OGDH: variants seen among roughly 807,000 people sequenced by gnomAD.
The protein encoded by OGDH is 2-oxoglutarate dehydrogenase complex component E1.
Under a neutral mutation model 116.6 loss-of-function variants are expected in OGDH, and 38 were observed. The ratio of observed to expected loss-of-function variants is 0.33; its 90% confidence interval spans 0.25 to 0.43. OGDH has a LOEUF of 0.43. Ranked by LOEUF, OGDH falls within the 20% of genes least tolerant of loss-of-function variation. The pLI, the probability that OGDH is intolerant of heterozygous loss-of-function variation, is 1.00. For missense variants in OGDH, 825 were observed against 1,357.2 expected, an observed-to-expected ratio of 0.61 and a Z score of 6.16; for synonymous variants, 488 against 533.3, an observed-to-expected ratio of 0.92 and a Z score of 1.17.
In OGDH at chr7:44,674,408, C is replaced by T. The variant is rs896516675; in HGVS notation, c.789-3C>T. ...CTTCAAGGTGGCTTGGTTCCCTGTCCAGGTTTGAGGAGTTCCTACAGCGGA... is the reference window on the plus strand; with the variant it reads ...CTTCAAGGTGGCTTGGTTCCCTGTCTAGGTTTGAGGAGTTCCTACAGCGGA... On this transcript the variant is annotated splice_polypyrimidine_tract_variant and splice_region_variant and intron_variant, in intron 6 of 22. Coordinates refer to ENST00000222673, the MANE Select transcript of OGDH (RefSeq NM_002541.4). The T allele has an allele frequency of 1.2e-6, 2 of 1,613,956 alleles. No homozygotes were observed. The highest frequency in any genetic ancestry group is 1.7e-6 in the Non-Finnish European group (2 of 1,179,970).
At chr7:44,637,522 T>A (rs750911528) in intron 2 of OGDH, among the ~76,000 whole-genome samples, 6 of 152,182 alleles carry the variant, frequency 3.9e-5, no homozygotes, top group Non-Finnish European at 5.9e-5. Flanking sequence ...AATAATGGTA[T>A]TCATTGGCTC....
At chr7:44,704,271 G>A (rs1294926525) in intron 20 of OGDH, among the ~76,000 whole-genome samples, 2 of 152,098 alleles carry the variant, frequency 1.3e-5, no homozygotes, top group Non-Finnish European at 1.5e-5. Context: ...ATATTTCATT[G>A]TGGCTTTGAT....
At chr7:44,703,340 A>T (rs1242621385) in intron 20 of OGDH, among the ~76,000 whole-genome samples, 1 of 152,086 alleles carries the variant, frequency 6.6e-6, no homozygotes, top group Non-Finnish European at 1.5e-5. Flanking sequence ...CCCGGGAGGC[A>T]GAGGTTGCAG....
At chr7:44,681,264 C>G (rs142603429) in intron 9 of OGDH, among the ~76,000 whole-genome samples, 2,020 of 152,308 alleles carry the variant, frequency 0.013, 18 homozygotes, top group Middle Eastern at 0.027. Context: ...TGACCTGATG[C>G]AGTATGTCCT....
In OGDH at chr7:44,694,549, G is replaced by A. The variant is rs1456380526; in HGVS notation, c.1641G>A (p.Gln547=). The A allele has an allele frequency of 6.2e-7, 1 of 1,613,998 alleles. No homozygotes were observed. Among genetic ancestry groups the A allele is most frequent in the African/African-American group, 1.3e-5 (1 of 74,910 alleles). Residue 547 remains glutamine (Q), a synonymous_variant, in exon 12 of 23, where the codon CAG becomes CAA. Coordinates refer to ENST00000222673, the MANE Select transcript of OGDH (RefSeq NM_002541.4). The surrounding 1 kb of genome is among the most constrained non-coding windows in gnomAD (Gnocchi z 4.2). ...AGTACGCTGAGCTGCTGGTGTCGCA[G>A]GGTGTGGTCAACCAGCCTGAGTATG... The part of the protein sequence containing the change: ...LQKYAELLVS[Q]GVVNQPEYEE...
At position 44,681,949 on chromosome 7, in the gene OGDH, T is replaced by C. The variant is rs1002673079; in HGVS notation, c.1335+101T>C. 16 of 1,465,428 alleles carry C rather than the reference T, an allele frequency of 1.1e-5. No homozygotes were observed. The African/African-American group carries it at 2.0e-4, about 18-fold the overall frequency. 90.8% of individuals were successfully genotyped at this position (1,465,428 alleles called of 1,614,324 possible). On this transcript the variant is annotated intron_variant, in intron 10 of 22. Transcript: ENST00000222673. ...GTTCACTGTTTTCTGATTATAAAAA[T>C]ACATCTGTTATTAAAAACCAGGTGC...
intron 20 of OGDH, among the ~76,000 whole-genome samples, chr7:44,702,552 G>GT (rs1272848600): frequency 1.3e-5 from 2 of 151,690 alleles, no homozygotes; most frequent in Non-Finnish European, 2.9e-5. Flanking sequence ...TTTTTTGGGG[G>GT]TTTTTTCCCA....
chr7:44,685,445 G>A (rs1433215288), intron 10 of OGDH, among the ~76,000 whole-genome samples: 1 of 152,166 alleles, frequency 6.6e-6, no homozygotes, highest in Non-Finnish European at 1.5e-5. Flanking sequence ...ATGTGTTAGA[G>A]TTTCCTACCT....
At chr7:44,650,084 G>A (rs991029126) in intron 4 of OGDH, among the ~76,000 whole-genome samples, 1 of 152,066 alleles carries the variant, frequency 6.6e-6, no homozygotes, top group Admixed American at 6.6e-5. Context: ...TAGTCTCCAC[G>A]TTTCAAGAGG....
intron 2 of OGDH, among the ~76,000 whole-genome samples, chr7:44,629,022 A>C (rs1237182274): frequency 6.6e-6 from 1 of 152,132 alleles, no homozygotes; most frequent in Admixed American, 6.5e-5. Context: ...AAGAGCCTTC[A>C]GCGGTGGCCT....
At chr7:44,622,269 G>A (rs1465568732) in intron 1 of OGDH, among the ~76,000 whole-genome samples, 1 of 152,172 alleles carries the variant, frequency 6.6e-6, no homozygotes, top group Non-Finnish European at 1.5e-5. Context: ...TGTTAGGGCT[G>A]TTTGTCTTCC....
rs1014185106 is a variant in OGDH at position 44,697,140 on chromosome 7, C to T, written c.2051+76C>T. 29 of 1,555,496 alleles carry T rather than the reference C, an allele frequency of 1.9e-5. No homozygotes were observed. Among genetic ancestry groups the T allele is most frequent in the African/African-American group, 1.5e-4 (11 of 73,190 alleles). ...GGGAGGGGTTCTGGTGTTTCTTTTC[C>T]GGAAGACGGTTAGAAACCGGAAGAG... On this transcript the variant is annotated intron_variant, in intron 15 of 22. Transcript: ENST00000222673. The surrounding 1 kb of genome is among the most constrained non-coding windows in gnomAD (Gnocchi z 6.0).
chr7:44,705,701 AC>A (rs1283817809), intron 20 of OGDH, among the ~76,000 whole-genome samples: 1 of 152,042 alleles, frequency 6.6e-6, no homozygotes, highest in Non-Finnish European at 1.5e-5. Flanking sequence ...CTGTGCCCAG[AC>A]TTTTATTCTG....
At chr7:44,664,724 T>C (rs561101949) in intron 4 of OGDH, among the ~76,000 whole-genome samples, 2 of 152,226 alleles carry the variant, frequency 1.3e-5, no homozygotes, top group African/African-American at 4.8e-5. Flanking sequence ...GTTGTACTTA[T>C]TGGGGGAATA....
chr7:44,665,219 G>C (rs1462790575), intron 4 of OGDH, among the ~76,000 whole-genome samples: 1 of 145,870 alleles, frequency 6.9e-6, no homozygotes, highest in Admixed American at 7.0e-5. Context: ...AGTGTTGACA[G>C]ACTAACAGGA....
At chr7:44,640,777 G>A (rs1241492494) in intron 2 of OGDH, among the ~76,000 whole-genome samples, 2 of 152,120 alleles carry the variant, frequency 1.3e-5, no homozygotes, top group Non-Finnish European at 2.9e-5. Context: ...GTGGCCCCAG[G>A]GAACTAAGTA....
In OGDH at chr7:44,694,252, G is replaced by T. The variant is rs799436; in HGVS notation, c.1516-172G>T. Among the ~76,000 whole-genome samples the T allele has an allele frequency of 1.3e-5, 2 of 152,136 alleles. No homozygotes were observed. The highest frequency in any genetic ancestry group is 2.4e-5 in the African/African-American group (1 of 41,436). ...TCCTCATTGACAGAGCAGCTCTACT[G>T]TGTGAAGGAGAGATACACAGAATCC... On this transcript the variant is annotated intron_variant, in intron 11 of 22. Transcript: ENST00000222673. This position sits in a 1 kb window ranked among gnomAD's most constrained non-coding sequence, Gnocchi z 4.2.
intron 1 of OGDH, among the ~76,000 whole-genome samples, 176 bp downstream of exon 1, chr7:44,606,829 C>T (rs983709128): frequency 6.6e-6 from 1 of 152,126 alleles, no homozygotes; most frequent in Admixed American, 6.5e-5. Flanking sequence ...GTAGGAGGGA[C>T]GGGACCTGAT....
chr7:44,649,669 C>T (rs1190584030), intron 4 of OGDH, among the ~76,000 whole-genome samples: 1 of 152,188 alleles, frequency 6.6e-6, no homozygotes, highest in Non-Finnish European at 1.5e-5. Context: ...GCTCTCCTCT[C>T]TTCCCCTTCA....
Sources: allele counts gnomAD v4.1 joint callset (sites outside exome capture counted in the v4.1 genomes callset), GRCh38; gene constraint gnomAD v4.1.1; non-coding constraint Gnocchi (gnomAD v3.1); transcripts MANE v1.5; gene names NCBI Gene and HGNC (gene_info 2026-07-23, HGNC 2026-07-21).